The following CSMD1 variants were observed in gnomAD, a reference collection of about 807,000 sequenced individuals.
The protein encoded by CSMD1 is CUB and sushi domain-containing protein 1.
Under a neutral mutation model 417.5 loss-of-function variants are expected in CSMD1, and 213 were observed. The ratio of observed to expected loss-of-function variants is 0.51; its 90% CI spans 0.46 to 0.57. The LOEUF (loss-of-function observed/expected upper bound fraction) is 0.57. Among genes scored for constraint, CSMD1 ranks in the 20% least tolerant of loss-of-function variants. The pLI is 0.00. For missense variants in CSMD1, 6,923 were observed against 4,529.7 expected (o/e 1.53, Z -15.17); for synonymous variants, 2,862 against 1,736.8 (o/e 1.65, Z -16.11).
At chr8:3,620,644 G>A (rs1802378499) in intron 7 of CSMD1, among the ~76,000 whole-genome samples, 1 of 151,994 alleles carries the variant, frequency 6.6e-6, no homozygotes, top group Admixed American at 6.6e-5. Context: ...AAACCATAAA[G>A]AAAGTATCTA....
intron 3 of CSMD1, among the ~76,000 whole-genome samples, chr8:4,111,517 C>T (rs1350941715): frequency 3.9e-5 from 6 of 152,274 alleles, no homozygotes; most frequent in African/African-American, 1.4e-4. Flanking sequence ...ATGGAATCCA[C>T]CCAAACGCCC....
chr8:4,809,731 C>T (rs1291759541), intron 1 of CSMD1, among the ~76,000 whole-genome samples: 1 of 152,190 alleles, frequency 6.6e-6, no homozygotes, highest in African/African-American at 2.4e-5. Flanking sequence ...GTCATTTCAA[C>T]ATGTAATAAG....
chr8:4,930,510 C>G (rs62488180), intron 1 of CSMD1, among the ~76,000 whole-genome samples: 9,137 of 152,122 alleles, frequency 0.06, 379 homozygotes, highest in Non-Finnish European at 0.077. Flanking sequence ...AAAACTACAG[C>G]CGAGCATACA....
chr8:4,053,503 T>C (rs73496797), intron 3 of CSMD1, among the ~76,000 whole-genome samples: 2,507 of 152,134 alleles, frequency 0.016, 60 homozygotes, highest in East Asian at 0.089. Context: ...TAAAACACCA[T>C]CGCAATCAAA....
chr8:4,298,495 G>T (rs779100096), intron 3 of CSMD1, among the ~76,000 whole-genome samples: 2 of 152,022 alleles, frequency 1.3e-5, no homozygotes, highest in African/African-American at 2.4e-5. Flanking sequence ...TTGAGTAATG[G>T]ATACCTTAAA....
At chr8:3,312,719 G>A (rs1189541488) in intron 23 of CSMD1, among the ~76,000 whole-genome samples, 2 of 152,114 alleles carry the variant, frequency 1.3e-5, no homozygotes, top group Admixed American at 6.6e-5. Context: ...CAGCTTAGTC[G>A]CCTGCTAGGG....
intron 10 of CSMD1, among the ~76,000 whole-genome samples, chr8:3,544,329 AG>A (rs1798566941): frequency 6.6e-6 from 1 of 152,226 alleles, no homozygotes. Flanking sequence ...ATAGTAATTC[AG>A]AAAATTAATC....
At chr8:3,975,717 C>T (rs551205278) in intron 5 of CSMD1, among the ~76,000 whole-genome samples, 1 of 152,188 alleles carries the variant, frequency 6.6e-6, no homozygotes, top group African/African-American at 2.4e-5. Context: ...ACAACGACTT[C>T]ATTACATGCA....
intron 1 of CSMD1, among the ~76,000 whole-genome samples, chr8:4,788,850 C>T (rs6985598): frequency 0.06 from 9,161 of 152,242 alleles, 953 homozygotes; most frequent in African/African-American, 0.21. Flanking sequence ...GACACAGAAA[C>T]TCTCCCTGCT....
chr8:3,312,451 CA>C (rs1356069016), intron 23 of CSMD1, among the ~76,000 whole-genome samples: 2 of 152,140 alleles, frequency 1.3e-5, no homozygotes, highest in East Asian at 3.9e-4. Flanking sequence ...TTATAAAATA[CA>C]TTCCTCTTTC....
At chr8:3,737,177 C>A (rs957189633) in intron 6 of CSMD1, among the ~76,000 whole-genome samples, 3 of 152,124 alleles carry the variant, frequency 2.0e-5, no homozygotes, top group Admixed American at 6.5e-5. Context: ...ATTGCATTTC[C>A]TACCCTAATC....
intron 3 of CSMD1, among the ~76,000 whole-genome samples, chr8:4,374,961 T>TG (rs386411922): frequency 0.44 from 7,988 of 18,282 alleles, 797 homozygotes; most frequent in Non-Finnish European, 0.5. Flanking sequence ...AAAGGTGGGG[T>TG]GGGGGGGGGG....
Position 3,029,602 on chromosome 8 carries a change from T to A in CSMD1, c.7661-89A>T, listed in dbSNP as rs79402016. 5.8e-5 allele frequency: 67 copies of A among 1,155,686 alleles called. No homozygotes were observed. In the African/African-American group the frequency reaches 6.4e-4, roughly 11 times the overall value. The allele number at this position is 1,155,686 out of a possible 1,614,324, so 71.6% of individuals were successfully genotyped here. A position where few individuals can be genotyped will look rare whatever the true frequency, so the allele number is the denominator to read the frequency against. Reference sequence around the variant, plus strand: ...CTTTGGATGGCAAGGTCTTGCTATATGAAACTGATCTTGTTTGGCAAAGTT... The same window carrying A: ...CTTTGGATGGCAAGGTCTTGCTATAAGAAACTGATCTTGTTTGGCAAAGTT... On this transcript the variant is annotated intron_variant, in intron 50 of 69. Coordinates refer to ENST00000635120, the MANE Select transcript of CSMD1 (RefSeq NM_033225.6).
rs578075385 is a variant in CSMD1 at position 3,313,171 on chromosome 8, A to G, written c.3632-4668T>C. 3.3e-5 allele frequency among the ~76,000 whole-genome samples: 5 copies of G among 152,322 alleles called. No homozygotes were observed. The South Asian group carries it at 8.3e-4, about 25-fold the overall frequency. On this transcript the variant is annotated intron_variant, in intron 23 of 69. Coordinates refer to ENST00000635120, the MANE Select transcript of CSMD1 (RefSeq NM_033225.6). ...GACCTAAAACCATAAAAACTCTAGA[A>G]GAAAACCTAGGCAATACCATTCAGG... is the stretch of plus-strand genomic sequence containing the variant.
At chr8:3,524,845 C>T (rs531610867) in intron 10 of CSMD1, among the ~76,000 whole-genome samples, 3 of 151,214 alleles carry the variant, frequency 2.0e-5, no homozygotes, top group African/African-American at 7.3e-5. Flanking sequence ...GCCTTTACAA[C>T]TTCCTTTCTA....
intron 7 of CSMD1, among the ~76,000 whole-genome samples, chr8:3,625,814 G>A (rs111811176): frequency 1.3e-5 from 2 of 152,020 alleles, no homozygotes; most frequent in East Asian, 1.9e-4. Flanking sequence ...AACATCGCCT[G>A]CCCTAGGTTA....
chr8:3,670,934 T>A (rs1443404343), intron 7 of CSMD1, among the ~76,000 whole-genome samples: 1 of 146,996 alleles, frequency 6.8e-6, no homozygotes, highest in Non-Finnish European at 1.5e-5. Flanking sequence ...ATATGGGATA[T>A]ATATGTATGG....
chr8:4,081,545 G>T (rs185627854), intron 3 of CSMD1, among the ~76,000 whole-genome samples: 1 of 152,154 alleles, frequency 6.6e-6, no homozygotes, highest in African/African-American at 2.4e-5. Flanking sequence ...GAAAGGAACC[G>T]AAGCTGTGCT....
At chr8:3,595,320 G>C (rs1801040541) in intron 8 of CSMD1, among the ~76,000 whole-genome samples, 1 of 152,192 alleles carries the variant, frequency 6.6e-6, no homozygotes, top group Non-Finnish European at 1.5e-5. Flanking sequence ...AGAGATGAAT[G>C]TGCATCTGCT....
Sources: gnomAD v4.1 joint callset for allele counts (sites outside exome capture counted in the v4.1 genomes callset) on GRCh38, gnomAD v4.1.1 for gene constraint, MANE v1.5 for transcripts, NCBI Gene and HGNC (gene_info 2026-07-23, HGNC 2026-07-21) for gene names.